BMPR1A: variants seen among roughly 807,000 people sequenced by gnomAD.
The protein encoded by BMPR1A is bone morphogenetic protein receptor type-1A.
BMPR1A carries 7 observed loss-of-function variants against 66.0 expected under a neutral mutation model. The observed-to-expected ratio is 0.11, with a 90% CI of 0.06 to 0.20. BMPR1A has a LOEUF of 0.20. Among genes scored for constraint, BMPR1A ranks in the 10% least tolerant of loss-of-function variants. BMPR1A has a pLI of 1.00. For missense variants in BMPR1A, 408 were observed against 669.1 expected (o/e 0.61, Z 4.31); for synonymous variants, 200 against 229.7 (o/e 0.87, Z 1.17).
chr10:86,775,979 C>T (rs772624043), intron 1 of BMPR1A, among the ~76,000 whole-genome samples: 81 of 152,176 alleles, frequency 5.3e-4, no homozygotes, highest in Non-Finnish European at 1.0e-3. Context: ...GTTCCCTTGG[C>T]AGTCCTCTCC....
At chr10:86,799,477 C>T (rs377232478) in intron 1 of BMPR1A, among the ~76,000 whole-genome samples, 2 of 119,946 alleles carry the variant, frequency 1.7e-5, no homozygotes, top group Admixed American at 8.2e-5. Context: ...TTTCTTCCTT[C>T]CTTCCTTCCT....
At chr10:86,780,719 G>C (rs149454428) in intron 1 of BMPR1A, among the ~76,000 whole-genome samples, 5 of 151,210 alleles carry the variant, frequency 3.3e-5, no homozygotes, top group African/African-American at 1.2e-4. Context: ...AGGCGTGAGC[G>C]TGAGCCACCA....
chr10:86,776,529 C>T (rs557610138), intron 1 of BMPR1A, among the ~76,000 whole-genome samples: 1 of 152,168 alleles, frequency 6.6e-6, no homozygotes, highest in East Asian at 1.9e-4. Flanking sequence ...CTGGAGGACA[C>T]TGATTGTTTT....
At chr10:86,773,120 C>A (rs1331696508) in intron 1 of BMPR1A, among the ~76,000 whole-genome samples, 1 of 142,166 alleles carries the variant, frequency 7.0e-6, no homozygotes, top group African/African-American at 2.7e-5. Context: ...CTGTCTTATT[C>A]TAGTTATCTT....
At chr10:86,760,146 T>A (rs184862782) in intron 1 of BMPR1A, among the ~76,000 whole-genome samples, 1 of 147,366 alleles carries the variant, frequency 6.8e-6, no homozygotes, top group East Asian at 2.2e-4. Context: ...AGGTCTTCCA[T>A]TAAATGAAAT....
At chr10:86,891,700 G>A (rs1843152052) in intron 4 of BMPR1A, among the ~76,000 whole-genome samples, 1 of 152,036 alleles carries the variant, frequency 6.6e-6, no homozygotes, top group South Asian at 2.1e-4. Flanking sequence ...ATGTTTCAGA[G>A]AAAAGTTTGT....
chr10:86,925,023 A>T lies in BMPR1A; in HGVS notation c.*1304A>T, dbSNP rs1843720196. The T allele has an allele frequency of 2.6e-5, 6 of 232,302 alleles. No homozygotes were observed. The highest frequency in any genetic ancestry group is 4.3e-5 in the Non-Finnish European group (5 of 117,490). 14.4% of individuals were successfully genotyped at this position (232,302 alleles called of 1,614,324 possible). A position where few individuals can be genotyped will look rare whatever the true frequency, so the allele number is the denominator to read the frequency against. ...AGCTGTTATAAATTTATCAACTGTC[A>T]AATATGTTCTGGACAGCTAAATCAT... is the stretch of plus-strand genomic sequence containing the variant. On this transcript the variant is annotated 3_prime_UTR_variant, in exon 13 of 13. Coordinates refer to ENST00000372037, the MANE Select transcript of BMPR1A (RefSeq NM_004329.3).
chr10:86,820,995 T>C (rs1035305229), intron 1 of BMPR1A, among the ~76,000 whole-genome samples: 3 of 152,354 alleles, frequency 2.0e-5, no homozygotes, highest in African/African-American at 7.2e-5. Flanking sequence ...GCAGTACCTA[T>C]TGTTAAGCTC....
intron 1 of BMPR1A, among the ~76,000 whole-genome samples, chr10:86,824,444 C>A (rs1048269130): frequency 6.6e-6 from 1 of 152,140 alleles, no homozygotes; most frequent in Non-Finnish European, 1.5e-5. Context: ...TGCCTCTCAT[C>A]ACACAGAGAT....
Position 86,759,239 on chromosome 10 carries a change from C to T in BMPR1A, c.-268+2320C>T, listed in dbSNP as rs80299163. Among the ~76,000 whole-genome samples the T allele has an allele frequency of 0.067, 10,191 of 152,164 alleles. 422 individuals are homozygous for T. The highest frequency in any genetic ancestry group is 0.076 in the Non-Finnish European group (5,181 of 68,008). On this transcript the variant is annotated intron_variant, in intron 1 of 12. Transcript: ENST00000372037. Reference sequence around the variant, plus strand: ...TTATACTGACTTTGTTCCTCTCCGCCACTTTTCTGCCTTCTGTTTCTTCTT... The same window carrying T: ...TTATACTGACTTTGTTCCTCTCCGCTACTTTTCTGCCTTCTGTTTCTTCTT...
chr10:86,916,452 A>G (rs1843568861), intron 8 of BMPR1A, among the ~76,000 whole-genome samples: 1 of 152,210 alleles, frequency 6.6e-6, no homozygotes, highest in Non-Finnish European at 1.5e-5. Context: ...AGGGTTCCCA[A>G]AGCAGCAGGA....
At chr10:86,881,583 T>C (rs935010523) in intron 3 of BMPR1A, among the ~76,000 whole-genome samples, 3 of 152,218 alleles carry the variant, frequency 2.0e-5, no homozygotes, top group Admixed American at 1.3e-4. Context: ...ATGTGACTTG[T>C]GGCTACCATA....
In BMPR1A at chr10:86,927,110, C is replaced by T. The variant is rs143613373; in HGVS notation, c.*3391C>T. 1.1e-5 allele frequency: 2 copies of T among 186,080 alleles called. No individual in the cohort carries two copies. Among genetic ancestry groups the T allele is most frequent in the South Asian group, 2.0e-4 (1 of 5,104 alleles). The allele number at this position is 186,080 out of a possible 1,614,324, so 11.5% of individuals were successfully genotyped here. ...TTTTTAAAATTATGTTTTCCTAGAA[C>T]GTGCCAAATTTTGATTTACTCTAAC... is the stretch of plus-strand genomic sequence containing the variant. On this transcript the variant is annotated 3_prime_UTR_variant, in exon 13 of 13. Coordinates refer to ENST00000372037, the MANE Select transcript of BMPR1A (RefSeq NM_004329.3).
At chr10:86,782,999 C>T (rs533537159) in intron 1 of BMPR1A, among the ~76,000 whole-genome samples, 1 of 152,188 alleles carries the variant, frequency 6.6e-6, no homozygotes, top group South Asian at 2.1e-4. Flanking sequence ...TTTATGGTTT[C>T]AGGTCTTATG....
chr10:86,848,593 A>G (rs1004527715), intron 2 of BMPR1A, among the ~76,000 whole-genome samples: 2 of 152,114 alleles, frequency 1.3e-5, no homozygotes, highest in Non-Finnish European at 2.9e-5. Flanking sequence ...TTTTGCTTTT[A>G]ACATACTACC....
chr10:86,796,362 GA>G (rs1841709155), intron 1 of BMPR1A, among the ~76,000 whole-genome samples: 1 of 151,826 alleles, frequency 6.6e-6, no homozygotes, highest in Admixed American at 6.6e-5. Context: ...TGTCCATTAA[GA>G]AATACTATTT....
intron 1 of BMPR1A, among the ~76,000 whole-genome samples, chr10:86,771,698 AATATTT>A (rs1377807239): frequency 6.6e-6 from 1 of 152,222 alleles, no homozygotes; most frequent in African/African-American, 2.4e-5. Flanking sequence ...CCTCTCTTTT[AATATTT>A]AAAACGTGGT....
intron 2 of BMPR1A, chr10:86,854,932 T>TG: frequency 5.6e-6 from 1 of 179,676 alleles, no homozygotes; most frequent in Non-Finnish European, 1.2e-5. Context: ...TTTTTCTTTT[T>TG]CTTTTTTTTT....
At chr10:86,899,917 A>G (rs754549186) in intron 6 of BMPR1A, 27 bp downstream of exon 6, 1 of 1,611,284 alleles carries the variant, frequency 6.2e-7, no homozygotes, top group Non-Finnish European at 8.5e-7. Flanking sequence ...AAGTCGGAGC[A>G]TGCTTCTCAA....
Sources: gnomAD v4.1 joint callset for allele counts (sites outside exome capture counted in the v4.1 genomes callset) on GRCh38, gnomAD v4.1.1 for gene constraint, MANE v1.5 for transcripts, NCBI Gene and HGNC (gene_info 2026-07-23, HGNC 2026-07-21) for gene names.